The following CCDC85A variants were observed in gnomAD, a reference collection of about 807,000 sequenced individuals.
CCDC85A encodes coiled-coil domain containing 85A, also known as coiled-coil domain-containing protein 85A.
Under a neutral mutation model 50.2 loss-of-function variants are expected in CCDC85A, and 38 were observed. The observed-to-expected ratio is 0.76, with a 90% CI of 0.58 to 0.99. The LOEUF (loss-of-function observed/expected upper bound fraction) is 0.99. Ranked by LOEUF, CCDC85A falls within the 50% of genes least tolerant of loss-of-function variation. The pLI is 0.00. For synonymous variants in CCDC85A, 366 were observed against 301.4 expected (o/e 1.21, Z -2.22); for missense variants, 820 against 742.0 (o/e 1.11, Z -1.22).
chr2:56,187,681 A>C (rs544088723), intron 1 of CCDC85A, among the ~76,000 whole-genome samples: 1 of 152,188 alleles, frequency 6.6e-6, no homozygotes, highest in Admixed American at 6.5e-5. Context: ...CACAGACATA[A>C]AGTGTTCAAA....
intron 2 of CCDC85A, among the ~76,000 whole-genome samples, chr2:56,200,178 G>A (rs985984898): frequency 6.6e-6 from 1 of 152,274 alleles, no homozygotes; most frequent in East Asian, 1.9e-4. Flanking sequence ...GTTTTTGCTT[G>A]TTGGCTGAGT....
chr2:56,361,145 T>G (rs1345677447), intron 3 of CCDC85A, among the ~76,000 whole-genome samples: 1 of 151,984 alleles, frequency 6.6e-6, no homozygotes, highest in Non-Finnish European at 1.5e-5. Context: ...TCCCAGCTAC[T>G]CGGGAGGCTG....
chr2:56,279,080 T>C (rs1051947814), intron 2 of CCDC85A, among the ~76,000 whole-genome samples: 1 of 152,174 alleles, frequency 6.6e-6, no homozygotes, highest in Admixed American at 6.5e-5. Context: ...TGCTCCACAG[T>C]CCCCTCTCTT....
chr2:56,229,367 C>T (rs1372417857), intron 2 of CCDC85A, among the ~76,000 whole-genome samples: 1 of 151,920 alleles, frequency 6.6e-6, no homozygotes, highest in South Asian at 2.1e-4. Context: ...GTGATGTTTT[C>T]TTTAGTTTTT....
intron 2 of CCDC85A, among the ~76,000 whole-genome samples, chr2:56,281,942 A>G (rs1193356482): frequency 6.6e-6 from 1 of 152,182 alleles, no homozygotes; most frequent in Admixed American, 6.5e-5. Flanking sequence ...GATGAAGTTC[A>G]GTATATCCAT....
At chr2:56,214,388 G>A (rs955658764) in intron 2 of CCDC85A, among the ~76,000 whole-genome samples, 1 of 151,918 alleles carries the variant, frequency 6.6e-6, no homozygotes, top group Non-Finnish European at 1.5e-5. Flanking sequence ...TGAGTTATCA[G>A]GATTTTCCAT....
chr2:56,309,782 T>C (rs781637612), intron 2 of CCDC85A, among the ~76,000 whole-genome samples: 5 of 152,172 alleles, frequency 3.3e-5, no homozygotes, highest in Non-Finnish European at 7.4e-5. Context: ...TGCTGAACAT[T>C]TGAATGCTTC....
At chr2:56,280,500 C>T (rs1671157708) in intron 2 of CCDC85A, among the ~76,000 whole-genome samples, 1 of 151,986 alleles carries the variant, frequency 6.6e-6, no homozygotes, top group Admixed American at 6.6e-5. Context: ...TAGTACATGC[C>T]GAACCAAACT....
At chr2:56,249,083 C>G (rs977231635) in intron 2 of CCDC85A, among the ~76,000 whole-genome samples, 4 of 152,220 alleles carry the variant, frequency 2.6e-5, no homozygotes, top group Admixed American at 6.5e-5. Flanking sequence ...AGGACCTTCT[C>G]TCTTCTTCTG....
chr2:56,284,434 G>A (rs572508888), intron 2 of CCDC85A, among the ~76,000 whole-genome samples: 14 of 152,120 alleles, frequency 9.2e-5, no homozygotes, highest in South Asian at 4.2e-4. Flanking sequence ...GTGCAGTGGC[G>A]TGATCTAGGC....
At chr2:56,217,047 A>G (rs1668079600) in intron 2 of CCDC85A, among the ~76,000 whole-genome samples, 1 of 151,916 alleles carries the variant, frequency 6.6e-6, no homozygotes, top group Non-Finnish European at 1.5e-5. Flanking sequence ...TCAAAGGCTG[A>G]CTTTGTAATC....
At chr2:56,236,357 G>A (rs1425013749) in intron 2 of CCDC85A, among the ~76,000 whole-genome samples, 1 of 152,186 alleles carries the variant, frequency 6.6e-6, no homozygotes, top group Non-Finnish European at 1.5e-5. Flanking sequence ...TCAGAATGTT[G>A]AGAGAGTTGA....
chr2:56,349,118 A>T (rs1359051775), intron 3 of CCDC85A, among the ~76,000 whole-genome samples: 3 of 152,152 alleles, frequency 2.0e-5, no homozygotes, highest in African/African-American at 7.2e-5. Context: ...TCTCATGAAG[A>T]GCGACCCTAA....
chr2:56,371,350 A>T lies in CCDC85A; in HGVS notation c.1318-994A>T, dbSNP rs79966590. Among the ~76,000 whole-genome samples, 990 of 152,176 alleles carry T rather than the reference A, an allele frequency of 6.5e-3. 16 individuals carry two copies. Among genetic ancestry groups the T allele is most frequent in the African/African-American group, 0.023 (946 of 41,536 alleles). On this transcript the variant is annotated intron_variant, in intron 3 of 5. Coordinates refer to ENST00000407595, the MANE Select transcript of CCDC85A (RefSeq NM_001080433.2). ...CTCCAAAAGTTAGAGAAGAGTGAAA[A>T]TTGGACCAGTACTATTCAGATATAG... is the stretch of plus-strand genomic sequence containing the variant.
At chr2:56,306,965 T>C (rs894625832) in intron 2 of CCDC85A, among the ~76,000 whole-genome samples, 5 of 152,168 alleles carry the variant, frequency 3.3e-5, no homozygotes, top group Non-Finnish European at 5.9e-5. Flanking sequence ...TTTGGAATGA[T>C]TGATTGAAAA....
rs927100972 is a variant in CCDC85A at position 56,359,169 on chromosome 2, C to A, written c.1318-13175C>A. ...ACTTATTTTTGCATTAGTTCAAATT[C>A]TTTGTCCTGTCATCCCAAAACCTGC... is the stretch of plus-strand genomic sequence containing the variant. On this transcript the variant is annotated intron_variant, in intron 3 of 5. Coordinates refer to ENST00000407595, the MANE Select transcript of CCDC85A (RefSeq NM_001080433.2). Among the ~76,000 whole-genome samples, 7 of 152,222 alleles carry A rather than the reference C, an allele frequency of 4.6e-5. No homozygotes were observed. The East Asian group carries it at 9.7e-4, about 21-fold the overall frequency.
At chr2:56,376,153 C>T (rs527996737) in intron 5 of CCDC85A, among the ~76,000 whole-genome samples, 44 of 133,080 alleles carry the variant, frequency 3.3e-4, no homozygotes, top group Admixed American at 6.3e-4. Context: ...CTAGTTTTAT[C>T]GTTTTGTTTT....
intron 2 of CCDC85A, among the ~76,000 whole-genome samples, chr2:56,341,528 G>A (rs1317652719): frequency 6.6e-6 from 1 of 152,110 alleles, no homozygotes; most frequent in Non-Finnish European, 1.5e-5. Context: ...TTGTTGTTGT[G>A]TGATGAATGA....
At chr2:56,366,640 A>G (rs969664480) in intron 3 of CCDC85A, among the ~76,000 whole-genome samples, 5 of 152,038 alleles carry the variant, frequency 3.3e-5, no homozygotes, top group Non-Finnish European at 5.9e-5. Flanking sequence ...TATATTTTGG[A>G]TATTCACCCA....
Sources: gnomAD v4.1 joint callset for allele counts (sites outside exome capture counted in the v4.1 genomes callset) on GRCh38, gnomAD v4.1.1 for gene constraint, MANE v1.5 for transcripts, NCBI Gene and HGNC (gene_info 2026-07-23, HGNC 2026-07-21) for gene names.